The following ATG4C variants were observed in gnomAD, a reference collection of about 807,000 sequenced individuals.
ATG4C encodes autophagy related 4C cysteine peptidase, also known as cysteine protease ATG4C.
A neutral mutation model predicts 57.6 loss-of-function variants in ATG4C; 56 were observed. The ratio of observed to expected loss-of-function variants is 0.97; its 90% confidence interval spans 0.78 to 1.21. The LOEUF (loss-of-function observed/expected upper bound fraction) is 1.21, where lower values mean the gene tolerates loss of function less well. ATG4C is among the 50% of genes most tolerant of loss of function. ATG4C has a pLI of 0.00. For missense variants in ATG4C, 595 were observed against 529.8 expected (o/e 1.12, Z -1.21); for synonymous variants, 157 against 174.1 (o/e 0.90, Z 0.78).
In ATG4C at chr1:62,816,561, T is replaced by C. The variant is rs1665277638; in HGVS notation, c.161-14T>C. ...TTTCTCTGGTTATCTTTAGACCGTA[T>C]GTTTATTTTTTAGATGAAGATAAAA... On this transcript the variant is annotated splice_polypyrimidine_tract_variant and intron_variant, in intron 3 of 10. Transcript: ENST00000317868. The C allele has an allele frequency of 6.3e-7, 1 of 1,576,258 alleles. No homozygotes were observed.
chr1:62,860,742 C>G (rs1666826356), intron 10 of ATG4C, among the ~76,000 whole-genome samples: 1 of 152,196 alleles, frequency 6.6e-6, no homozygotes, highest in Non-Finnish European at 1.5e-5. Context: ...GACTTTAGAG[C>G]TTAACCCCTA....
At chr1:62,833,493 TA>T (rs1189222262) in intron 7 of ATG4C, among the ~76,000 whole-genome samples, 1 of 152,198 alleles carries the variant, frequency 6.6e-6, no homozygotes, top group East Asian at 1.9e-4. Context: ...CAATAATTAT[TA>T]TTTTCATTGG....
In ATG4C at chr1:62,816,738, G is replaced by A; in HGVS notation, c.324G>A (p.Gly108=). Residue 108 remains glycine, a synonymous_variant, in exon 4 of 11, where the codon GGG becomes GGA. Transcript: ENST00000317868. ...IEGSALTTDC[G]WGCTLRTGQM... is the part of the protein sequence containing the mutation. ...GCTCAGCTTTGACAACAGACTGTGG[G>A]TGGGGCTGCACATTGAGAACTGGCC... 4.3e-6 allele frequency: 7 copies of A among 1,613,814 alleles called. No individual in the cohort carries two copies. The highest frequency in any genetic ancestry group is 2.7e-5 in the African/African-American group (2 of 75,040).
intron 1 of ATG4C, among the ~76,000 whole-genome samples, chr1:62,798,179 G>A (rs926874462): frequency 6.6e-6 from 1 of 152,038 alleles, no homozygotes; most frequent in African/African-American, 2.4e-5. Flanking sequence ...TGTTTCTTTG[G>A]AGTATGTGCA....
At chr1:62,805,992 A>G (rs1160160632) in intron 3 of ATG4C, among the ~76,000 whole-genome samples, 1 of 152,168 alleles carries the variant, frequency 6.6e-6, no homozygotes, top group East Asian at 1.9e-4. Context: ...TGTTGTTATC[A>G]TGGCTTTTCA....
intron 10 of ATG4C, among the ~76,000 whole-genome samples, chr1:62,845,106 G>T (rs1296639850): frequency 6.6e-6 from 1 of 151,390 alleles, no homozygotes; most frequent in Admixed American, 6.6e-5. Flanking sequence ...TTTAAGTAGG[G>T]TTACATTAGA....
chr1:62,813,140 C>T (rs1052656543), intron 3 of ATG4C, among the ~76,000 whole-genome samples: 2 of 152,118 alleles, frequency 1.3e-5, no homozygotes, highest in Non-Finnish European at 2.9e-5. Flanking sequence ...TCATATGGAA[C>T]CAAAAAAGAG....
intron 9 of ATG4C, among the ~76,000 whole-genome samples, chr1:62,839,915 AAGC>A (rs1306351903): frequency 2.0e-5 from 3 of 152,050 alleles, no homozygotes; most frequent in African/African-American, 7.2e-5. Flanking sequence ...TTGGAAAAAA[AAGC>A]AGCTTGAATG....
Position 62,829,169 on chromosome 1 carries a change from T to C in ATG4C, c.926T>C (p.Phe309Ser). 2.5e-6 allele frequency: 4 copies of C among 1,612,450 alleles called. No individual in the cohort carries two copies. Among genetic ancestry groups the C allele is most frequent in the Non-Finnish European group, 3.4e-6 (4 of 1,179,090 alleles). ...GERTNTDYLEFVKGILSLEYC... is the reference protein window; with the variant it reads ...GERTNTDYLESVKGILSLEYC... ...AGAACCAACACCGACTACTTAGAAT[T>C]TGTGAAGGTATGAAATAAGTGCTGA... Residue 309 changes from phenylalanine to serine, a missense_variant, in exon 7 of 11, where the codon TTT becomes TCT. Coordinates refer to ENST00000317868, the MANE Select transcript of ATG4C (RefSeq NM_032852.4).
intron 10 of ATG4C, among the ~76,000 whole-genome samples, chr1:62,850,623 C>T (rs1467970736): frequency 4.6e-5 from 7 of 151,850 alleles, no homozygotes; most frequent in Admixed American, 6.6e-5. Context: ...CCCTGTTTCA[C>T]GGGTTTCGTT....
chr1:62,837,583 GGT>G (rs1221470681), intron 9 of ATG4C, among the ~76,000 whole-genome samples: 2 of 152,022 alleles, frequency 1.3e-5, no homozygotes, highest in African/African-American at 4.8e-5. Context: ...CTGATTGCTG[GGT>G]CCCCAATTCC....
At chr1:62,785,250 G>A (rs986666797) in intron 1 of ATG4C, 3 of 152,168 alleles carry the variant, frequency 2.0e-5, no homozygotes, top group South Asian at 2.1e-4. Flanking sequence ...GGAGTGGAAA[G>A]GCTTTGAAAG....
chr1:62,842,974 T>C (rs1226275579), intron 10 of ATG4C, among the ~76,000 whole-genome samples: 1 of 152,220 alleles, frequency 6.6e-6, no homozygotes, highest in East Asian at 1.9e-4. Context: ...TGCTAAAGTA[T>C]ACAAATACAG....
chr1:62,823,878 C>G (rs898025132), intron 6 of ATG4C, among the ~76,000 whole-genome samples: 1 of 152,108 alleles, frequency 6.6e-6, no homozygotes, highest in Non-Finnish European at 1.5e-5. Flanking sequence ...AAAGGTTATA[C>G]CTTTGGCAGT....
At chr1:62,825,201 A>G (rs913553669) in intron 6 of ATG4C, among the ~76,000 whole-genome samples, 2 of 145,858 alleles carry the variant, frequency 1.4e-5, no homozygotes, top group East Asian at 4.1e-4. Flanking sequence ...GTGCCACTGC[A>G]CTCCAGCCTG....
chr1:62,796,079 C>A (rs1026069489), intron 1 of ATG4C, among the ~76,000 whole-genome samples: 6 of 151,760 alleles, frequency 4.0e-5, no homozygotes, highest in Non-Finnish European at 7.4e-5. Context: ...GAGAAGACAT[C>A]CTATTACAAA....
At chr1:62,806,794 CT>C (rs1263451163) in intron 3 of ATG4C, among the ~76,000 whole-genome samples, 1 of 152,020 alleles carries the variant, frequency 6.6e-6, no homozygotes, top group Admixed American at 6.6e-5. Flanking sequence ...AGGATTTTTT[CT>C]GGAAAAAGGT....
chr1:62,812,366 A>G (rs1333460309), intron 3 of ATG4C, among the ~76,000 whole-genome samples: 1 of 152,236 alleles, frequency 6.6e-6, no homozygotes, highest in Non-Finnish European at 1.5e-5. Flanking sequence ...ACTAATGACA[A>G]AAACCACATG....
At chr1:62,792,325 TA>T (rs1418190938) in intron 1 of ATG4C, among the ~76,000 whole-genome samples, 1 of 152,174 alleles carries the variant, frequency 6.6e-6, no homozygotes, top group Non-Finnish European at 1.5e-5. Context: ...CTTTCACCAG[TA>T]CCCTGATTGA....
Sources: allele counts gnomAD v4.1 joint callset (sites outside exome capture counted in the v4.1 genomes callset), GRCh38; gene constraint gnomAD v4.1.1; transcripts MANE v1.5; gene names NCBI Gene and HGNC (gene_info 2026-07-23, HGNC 2026-07-21).